CFAP43: variants seen among roughly 807,000 people sequenced by gnomAD.
The protein encoded by CFAP43 is cilia- and flagella-associated protein 43.
A neutral mutation model predicts 218.9 loss-of-function variants in CFAP43; 155 were observed. The observed-to-expected ratio is 0.71, with a 90% CI of 0.62 to 0.81. CFAP43 has a LOEUF of 0.81. Ranked by LOEUF, CFAP43 falls within the 30% of genes least tolerant of loss-of-function variation. The probability of loss-of-function intolerance (pLI) is 0.00; values close to 1 mark genes in which losing one functional copy is unlikely to be tolerated. For synonymous variants in CFAP43, 645 were observed against 681.3 expected (o/e 0.95, Z 0.83); for missense variants, 1,778 against 1,954.3 (o/e 0.91, Z 1.70).
chr10:104,131,316 A>C lies in CFAP43; in HGVS notation c.4831+15T>G, dbSNP rs1273224354. On this transcript the variant is annotated intron_variant, in intron 37 of 37. Coordinates refer to ENST00000357060, the MANE Select transcript of CFAP43 (RefSeq NM_025145.7). ...AGAAACCTACAGTTGGTTAAAGAAAAAAAAGCATGCTTACCCATTGCATTA... is the reference window on the plus strand; with the variant it reads ...AGAAACCTACAGTTGGTTAAAGAAACAAAAGCATGCTTACCCATTGCATTA... 1 of 1,596,840 alleles carries C rather than the reference A, an allele frequency of 6.3e-7. No homozygotes were observed.
chr10:104,164,853 T>C (rs1564742989), intron 23 of CFAP43, among the ~76,000 whole-genome samples: 1 of 152,250 alleles, frequency 6.6e-6, no homozygotes, highest in Non-Finnish European at 1.5e-5. Context: ...TCCTGAAATG[T>C]AAATTGTAAC....
chr10:104,203,177 C>G (rs933647349), intron 8 of CFAP43, among the ~76,000 whole-genome samples: 5 of 152,170 alleles, frequency 3.3e-5, no homozygotes, highest in African/African-American at 1.2e-4. Flanking sequence ...TGACTTAGGC[C>G]TGGCCAATCA....
intron 18 of CFAP43, among the ~76,000 whole-genome samples, chr10:104,179,440 C>T (rs988670008): frequency 2.0e-5 from 3 of 152,200 alleles, no homozygotes; most frequent in African/African-American, 7.2e-5. Context: ...AATCCAGACA[C>T]GAGCTGTAAT....
intron 2 of CFAP43, 55 bp downstream of exon 2, chr10:104,230,535 A>T: frequency 1.3e-6 from 2 of 1,554,114 alleles, no homozygotes; most frequent in Non-Finnish European, 1.7e-6. Flanking sequence ...AGATTTAGTC[A>T]ACTCTTTAAA....
chr10:104,226,487 C>A (rs371065699), intron 2 of CFAP43, among the ~76,000 whole-genome samples: 1 of 151,928 alleles, frequency 6.6e-6, no homozygotes, highest in Non-Finnish European at 1.5e-5. Context: ...GCTAAACAGA[C>A]GTTTCCCCCC....
chr10:104,217,271 G>C (rs2091037560), intron 3 of CFAP43, among the ~76,000 whole-genome samples: 1 of 152,186 alleles, frequency 6.6e-6, no homozygotes, highest in Non-Finnish European at 1.5e-5. Flanking sequence ...GTCAATGAAT[G>C]TTAGTGGCAG....
At chr10:104,163,652 C>T (rs1270311565) in intron 24 of CFAP43, among the ~76,000 whole-genome samples, 1 of 152,174 alleles carries the variant, frequency 6.6e-6, no homozygotes, top group Non-Finnish European at 1.5e-5. Context: ...GTGACCCAAC[C>T]ACTCTGGGTA....
intron 35 of CFAP43, 28 bp from the exon 36 acceptor site, chr10:104,132,224 G>C: frequency 6.8e-7 from 1 of 1,476,622 alleles, no homozygotes; most frequent in Non-Finnish European, 9.3e-7. Context: ...AACATGTAAG[G>C]ATATTTTTCT....
chr10:104,211,136 G>A (rs58814525), intron 5 of CFAP43, among the ~76,000 whole-genome samples: 5,106 of 152,036 alleles, frequency 0.034, 100 homozygotes, highest in Middle Eastern at 0.051. Context: ...CTCCCCAGAG[G>A]CCTTCCTTAA....
chr10:104,134,612 C>T (rs1420349093), intron 34 of CFAP43, among the ~76,000 whole-genome samples: 1 of 151,744 alleles, frequency 6.6e-6, no homozygotes, highest in Non-Finnish European at 1.5e-5. Flanking sequence ...AATTCTACAC[C>T]AACAAATTAG....
At chr10:104,180,112 T>G (rs1201799085) in intron 17 of CFAP43, among the ~76,000 whole-genome samples, 180 bp from the exon 18 acceptor site, 2 of 152,224 alleles carry the variant, frequency 1.3e-5, no homozygotes, top group African/African-American at 2.4e-5. Context: ...GTCCCACCAG[T>G]CTGCCCTTAT....
intron 10 of CFAP43, among the ~76,000 whole-genome samples, chr10:104,196,006 A>T (rs1407863876): frequency 6.6e-6 from 1 of 152,220 alleles, no homozygotes; most frequent in Non-Finnish European, 1.5e-5. Context: ...AGATGTTATT[A>T]AGACATTGCA....
intron 10 of CFAP43, 33 bp from the exon 11 acceptor site, chr10:104,194,047 A>G (rs770129504): frequency 1.7e-5 from 28 of 1,607,136 alleles, no homozygotes; most frequent in Non-Finnish European, 2.4e-5. Context: ...GCGTATCTCT[A>G]TTGTGCCTGC....
At chr10:104,180,740 T>A (rs1273232556) in intron 17 of CFAP43, among the ~76,000 whole-genome samples, 1 of 151,996 alleles carries the variant, frequency 6.6e-6, no homozygotes, top group African/African-American at 2.4e-5. Flanking sequence ...CCAACCACCG[T>A]CCCCGCCGGC....
intron 36 of CFAP43, among the ~76,000 whole-genome samples, chr10:104,131,727 A>G (rs1187507451): frequency 6.6e-6 from 1 of 152,228 alleles, no homozygotes; most frequent in Non-Finnish European, 1.5e-5. Context: ...ATATTTTAAA[A>G]GCTTGAGATT....
intron 31 of CFAP43, among the ~76,000 whole-genome samples, chr10:104,144,116 T>G (rs1339905897): frequency 6.6e-6 from 1 of 152,190 alleles, no homozygotes; most frequent in Non-Finnish European, 1.5e-5. Flanking sequence ...ATCAAGATGC[T>G]TTACAGTACA....
chr10:104,130,056 A>C lies in CFAP43; in HGVS notation c.*83T>G, dbSNP rs1005053214. On this transcript the variant is annotated 3_prime_UTR_variant, in exon 38 of 38. Transcript: ENST00000357060. ...GGACATGCTACTTCAATTTCCCAGT[A>C]AGAAAGAAAAGGAAATCATTTTACC... 25 of 1,440,234 alleles carry C rather than the reference A, an allele frequency of 1.7e-5. No homozygotes were observed. Among genetic ancestry groups the C allele is most frequent in the Non-Finnish European group, 2.3e-5 (25 of 1,087,560 alleles). The allele number at this position is 1,440,234 out of a possible 1,614,324, so 89.2% of individuals were successfully genotyped here. A position where few individuals can be genotyped will look rare whatever the true frequency, so the allele number is the denominator to read the frequency against.
chr10:104,231,208 A>G (rs965141127), intron 1 of CFAP43, among the ~76,000 whole-genome samples: 15 of 152,240 alleles, frequency 9.9e-5, no homozygotes, highest in Admixed American at 3.9e-4. Flanking sequence ...ACACAGTGGC[A>G]TCCTGGGCCA....
intron 11 of CFAP43, 108 bp from the exon 12 acceptor site, chr10:104,192,410 C>T (rs573692839): frequency 2.2e-5 from 18 of 829,626 alleles, no homozygotes; most frequent in Middle Eastern, 2.9e-4. Context: ...GTCATTTTTA[C>T]GGTTTGCAAT....
Sources: allele counts gnomAD v4.1 joint callset (sites outside exome capture counted in the v4.1 genomes callset), GRCh38; gene constraint gnomAD v4.1.1; transcripts MANE v1.5; gene names NCBI Gene and HGNC (gene_info 2026-07-23, HGNC 2026-07-21).